The following SUGCT variants were observed in gnomAD, a reference collection of about 807,000 sequenced individuals.
The protein encoded by SUGCT is succinyl-CoA:glutarate CoA-transferase.
A neutral mutation model predicts 55.0 loss-of-function variants in SUGCT; 41 were observed. The ratio of observed to expected loss-of-function variants is 0.74; its 90% confidence interval spans 0.58 to 0.97. SUGCT has a LOEUF of 0.97. SUGCT is among the 50% of genes least tolerant of loss of function. SUGCT has a pLI of 0.00. For synonymous variants in SUGCT, 187 were observed against 200.4 expected (o/e 0.93, Z 0.56); for missense variants, 568 against 547.8 (o/e 1.04, Z -0.37).
At chr7:40,768,480 C>G (rs759281394) in intron 13 of SUGCT, among the ~76,000 whole-genome samples, 5 of 152,068 alleles carry the variant, frequency 3.3e-5, no homozygotes, top group Non-Finnish European at 5.9e-5. Flanking sequence ...CAAGGTCACC[C>G]AGGAATCTGT....
At chr7:41,009,910 C>T in the SUGCT span, among the ~76,000 whole-genome samples, 1 of 152,198 alleles carries the variant, frequency 6.6e-6, no homozygotes, top group Admixed American at 6.5e-5. Flanking sequence ...TGATATTTCC[C>T]CAGGCATGAC....
chr7:40,950,606 C>T, the SUGCT span, among the ~76,000 whole-genome samples: 14 of 152,026 alleles, frequency 9.2e-5, no homozygotes, highest in African/African-American at 3.4e-4. Context: ...TCATAAATAG[C>T]TCTTATTATT....
At chr7:40,794,018 AT>A (rs34195626) in intron 13 of SUGCT, among the ~76,000 whole-genome samples, 62,680 of 151,532 alleles carry the variant, frequency 0.41, 13,829 homozygotes, top group South Asian at 0.59. Context: ...TTATAGAGTG[AT>A]TTTTTTTCTT....
intron 13 of SUGCT, among the ~76,000 whole-genome samples, chr7:40,753,170 T>C (rs1356306584): frequency 2.0e-5 from 3 of 152,188 alleles, no homozygotes; most frequent in Non-Finnish European, 4.4e-5. Flanking sequence ...GCAAAGGGAA[T>C]GTATCAGTAA....
At chr7:40,519,847 A>T (rs374035033) in intron 12 of SUGCT, among the ~76,000 whole-genome samples, 16 of 152,238 alleles carry the variant, frequency 1.1e-4, no homozygotes, top group East Asian at 5.8e-4. Context: ...ATGGAGAATT[A>T]GGATAATTCA....
At chr7:40,547,401 A>G (rs1230282894) in intron 12 of SUGCT, among the ~76,000 whole-genome samples, 2 of 152,228 alleles carry the variant, frequency 1.3e-5, no homozygotes, top group Admixed American at 6.5e-5. Context: ...TAAAATAACC[A>G]TCATACCTTC....
chr7:41,016,813 T>G, the SUGCT span, among the ~76,000 whole-genome samples: 5 of 152,332 alleles, frequency 3.3e-5, no homozygotes, highest in African/African-American at 9.6e-5. Context: ...TCTGGCTTCC[T>G]GCGTCTTGTG....
chr7:40,644,162 A>G (rs1800390738), intron 12 of SUGCT, among the ~76,000 whole-genome samples: 1 of 152,208 alleles, frequency 6.6e-6, no homozygotes, highest in South Asian at 2.1e-4. Flanking sequence ...GGAGGGGGGA[A>G]AGATGGCGGA....
At chr7:40,323,077 T>C (rs964412667) in intron 9 of SUGCT, among the ~76,000 whole-genome samples, 3 of 152,124 alleles carry the variant, frequency 2.0e-5, no homozygotes. Context: ...TGGCCATCTG[T>C]TATCACCTGG....
the SUGCT span, among the ~76,000 whole-genome samples, chr7:41,011,797 C>G: frequency 6.6e-6 from 1 of 152,182 alleles, no homozygotes; most frequent in African/African-American, 2.4e-5. Flanking sequence ...CATAGAAACT[C>G]TTGATTCACA....
At chr7:40,435,946 T>A (rs1433805914) in intron 9 of SUGCT, among the ~76,000 whole-genome samples, 9 of 20,708 alleles carry the variant, frequency 4.3e-4, no homozygotes, top group South Asian at 5.9e-3. Context: ...TTTTCTTTTC[T>A]TTTTTTTTTT....
chr7:40,761,039 A>T (rs1026262037), intron 13 of SUGCT, among the ~76,000 whole-genome samples: 1 of 152,252 alleles, frequency 6.6e-6, no homozygotes, highest in South Asian at 2.1e-4. Flanking sequence ...TGAAACAATC[A>T]CGCATGTTTC....
the SUGCT span, among the ~76,000 whole-genome samples, chr7:40,982,775 G>C: frequency 6.6e-6 from 1 of 152,106 alleles, no homozygotes; most frequent in African/African-American, 2.4e-5. Context: ...AGCCTCCTGA[G>C]TAGCTGGGAC....
the SUGCT span, among the ~76,000 whole-genome samples, chr7:40,981,289 G>C: frequency 1.3e-5 from 2 of 152,158 alleles, no homozygotes; most frequent in Non-Finnish European, 2.9e-5. Flanking sequence ...CAACCAGATA[G>C]TTTCATGATT....
chr7:40,395,509 A>G (rs1052177343), intron 9 of SUGCT, among the ~76,000 whole-genome samples: 7 of 151,422 alleles, frequency 4.6e-5, no homozygotes, highest in Admixed American at 3.3e-4. Context: ...AAAAAAAAAA[A>G]AAAAAGAAAA....
chr7:40,791,490 A>G (rs759918905), intron 13 of SUGCT, among the ~76,000 whole-genome samples: 7 of 152,220 alleles, frequency 4.6e-5, no homozygotes, highest in Non-Finnish European at 1.0e-4. Flanking sequence ...TATTCTAGTG[A>G]TCAGAGGTCT....
chr7:40,846,469 A>T (rs1793562458), intron 13 of SUGCT, among the ~76,000 whole-genome samples: 1 of 151,904 alleles, frequency 6.6e-6, no homozygotes, highest in Admixed American at 6.6e-5. Context: ...TTGAGGGGAG[A>T]CAGCATGTTT....
the SUGCT span, among the ~76,000 whole-genome samples, chr7:40,943,521 A>T: frequency 6.9e-6 from 1 of 145,300 alleles, no homozygotes; most frequent in Admixed American, 7.0e-5. Context: ...ATGAGTGAGA[A>T]CATGCGGTGT....
At chr7:40,289,229 G>A (rs1209581343) in intron 8 of SUGCT, among the ~76,000 whole-genome samples, 2 of 152,014 alleles carry the variant, frequency 1.3e-5, no homozygotes, top group African/African-American at 2.4e-5. Flanking sequence ...AAAAAAAAAG[G>A]TTCTTGTAAG....
Sources: allele counts gnomAD v4.1 joint callset (sites outside exome capture counted in the v4.1 genomes callset), GRCh38; gene constraint gnomAD v4.1.1; transcripts MANE v1.5; gene names NCBI Gene and HGNC (gene_info 2026-07-23, HGNC 2026-07-21).